The following SLC9C1 variants were observed in gnomAD, a reference collection of about 807,000 sequenced individuals.
SLC9C1 encodes solute carrier family 9 member C1.
In SLC9C1, 97 loss-of-function variants were observed where a neutral mutation model predicts 140.9. That is an observed-to-expected ratio of 0.69 (90% CI 0.58 to 0.82). The LOEUF (loss-of-function observed/expected upper bound fraction) is 0.82, where lower values mean the gene tolerates loss of function less well. Ranked by LOEUF, SLC9C1 falls within the 40% of genes least tolerant of loss-of-function variation. The pLI is 0.00. For missense variants in SLC9C1, 1,340 were observed against 1,389.3 expected (o/e 0.96, Z 0.56); for synonymous variants, 440 against 442.6 (o/e 0.99, Z 0.07).
chr3:112,203,585 C>T (rs1286824375), intron 17 of SLC9C1, among the ~76,000 whole-genome samples: 1 of 151,912 alleles, frequency 6.6e-6, no homozygotes, highest in African/African-American at 2.4e-5. Flanking sequence ...ACTCACAGTG[C>T]TTATATATGC....
intron 12 of SLC9C1, among the ~76,000 whole-genome samples, chr3:112,234,377 G>A (rs533380441): frequency 6.6e-6 from 1 of 152,044 alleles, no homozygotes; most frequent in Non-Finnish European, 1.5e-5. Flanking sequence ...CTGGATATTA[G>A]CCCTTTGTCA....
At chr3:112,150,552 T>G (rs1345324997) in intron 28 of SLC9C1, among the ~76,000 whole-genome samples, 3 of 152,014 alleles carry the variant, frequency 2.0e-5, no homozygotes, top group Non-Finnish European at 4.4e-5. Context: ...CCTTCTTGAA[T>G]TGTAGCTCAC....
At chr3:112,162,385 C>T (rs1248762494) in intron 26 of SLC9C1, among the ~76,000 whole-genome samples, 2 of 152,036 alleles carry the variant, frequency 1.3e-5, no homozygotes, top group African/African-American at 4.8e-5. Flanking sequence ...TTTGCCCATT[C>T]AGTATGATAT....
intron 28 of SLC9C1, among the ~76,000 whole-genome samples, chr3:112,147,982 T>G (rs779354871): frequency 2.0e-5 from 3 of 152,230 alleles, no homozygotes; most frequent in Non-Finnish European, 4.4e-5. Flanking sequence ...TTAAACTTTA[T>G]TTCAGGCAGA....
chr3:112,241,961 A>C (rs1559703187), intron 11 of SLC9C1, among the ~76,000 whole-genome samples: 1 of 152,210 alleles, frequency 6.6e-6, no homozygotes, highest in Non-Finnish European at 1.5e-5. Flanking sequence ...AGATGGATTA[A>C]ATATTTAAAT....
In SLC9C1 at chr3:112,168,857, A is replaced by T. The variant is rs1009103938; in HGVS notation, c.3237+20T>A. On this transcript the variant is annotated intron_variant, in intron 25 of 28. Transcript: ENST00000305815. ...ACATATGGCATATTGATCTGAAGAC[A>T]GGAATCAATATTTCTTTACCTGATG... The T allele has an allele frequency of 6.4e-7, 1 of 1,550,718 alleles. No homozygotes were observed. The highest frequency in any genetic ancestry group is 8.7e-7 in the Non-Finnish European group (1 of 1,151,092).
chr3:112,178,587 TGAA>T (rs1325413278), intron 23 of SLC9C1, among the ~76,000 whole-genome samples: 1 of 152,206 alleles, frequency 6.6e-6, no homozygotes, highest in African/African-American at 2.4e-5. Context: ...TCTATAGACT[TGAA>T]GAACTTCAGA....
intron 25 of SLC9C1, among the ~76,000 whole-genome samples, chr3:112,168,322 TACACACAC>T (rs56965031): frequency 0.074 from 9,835 of 133,686 alleles, 696 homozygotes; most frequent in African/African-American, 0.19. Flanking sequence ...CACAAAACAA[TACACACAC>T]ACACACACAC....
intron 26 of SLC9C1, among the ~76,000 whole-genome samples, chr3:112,165,781 C>T (rs78428136): frequency 6.6e-6 from 1 of 152,188 alleles, no homozygotes; most frequent in Admixed American, 6.5e-5. Context: ...AGGAGAACCA[C>T]TACTCTCTTC....
intron 2 of SLC9C1, among the ~76,000 whole-genome samples, chr3:112,285,385 T>C (rs2080479249): frequency 6.6e-6 from 1 of 152,038 alleles, no homozygotes; most frequent in Non-Finnish European, 1.5e-5. Flanking sequence ...ACCATAGGTG[T>C]GCACCACCAC....
chr3:112,151,414 T>C, intron 28 of SLC9C1: 1 of 519,136 alleles, frequency 1.9e-6, no homozygotes, highest in South Asian at 1.4e-5. Flanking sequence ...TGAATTCCTT[T>C]AACTTCAGCT....
chr3:112,185,650 G>C (rs572913993), intron 20 of SLC9C1: 1 of 1,562,478 alleles, frequency 6.4e-7, no homozygotes, highest in Non-Finnish European at 8.7e-7. Context: ...GCTCCTTGGC[G>C]GTCCAGTGAG....
At chr3:112,224,443 C>A (rs569734307) in intron 13 of SLC9C1, among the ~76,000 whole-genome samples, 1 of 152,038 alleles carries the variant, frequency 6.6e-6, no homozygotes, top group African/African-American at 2.4e-5. Flanking sequence ...GTTAAAGGAA[C>A]ACAATAGTTC....
At chr3:112,141,356 T>C (rs1372563142) in intron 28 of SLC9C1, 75 bp from the exon 29 acceptor site, 10 of 1,477,510 alleles carry the variant, frequency 6.8e-6, no homozygotes, top group Middle Eastern at 2.2e-4. Context: ...CAACCCAGAA[T>C]AGGATGTACT....
chr3:112,277,140 G>GT (rs1160885988), intron 5 of SLC9C1, among the ~76,000 whole-genome samples: 1 of 151,932 alleles, frequency 6.6e-6, no homozygotes, highest in African/African-American at 2.4e-5. Flanking sequence ...TTTTATTTTT[G>GT]TTTTTCTGGG....
rs1560008202 is a variant in SLC9C1, at chr3:112,154,977, A to G, written c.3417+20T>C. On this transcript the variant is annotated intron_variant, in intron 27 of 28. Transcript: ENST00000305815. Reference sequence around the variant, plus strand: ...CTTTTACCCAAAATACAACTTTTAGAAAGGCTGCTTTAAATTTACCTCCTT... The same window carrying G: ...CTTTTACCCAAAATACAACTTTTAGGAAGGCTGCTTTAAATTTACCTCCTT... The G allele has an allele frequency of 1.9e-6, 3 of 1,608,242 alleles. No individual in the cohort carries two copies. The highest frequency in any genetic ancestry group is 1.1e-5 in the South Asian group (1 of 90,420).
intron 12 of SLC9C1, among the ~76,000 whole-genome samples, chr3:112,239,210 A>T (rs576712623): frequency 6.6e-6 from 1 of 152,196 alleles, no homozygotes; most frequent in Admixed American, 6.5e-5. Flanking sequence ...TCAGACTGCT[A>T]TGCTAGCAAT....
chr3:112,172,316 C>T (rs4682085), intron 23 of SLC9C1, among the ~76,000 whole-genome samples: 152,173 of 152,222 alleles, frequency 1, 76,062 homozygotes, highest in Non-Finnish European at 1. Context: ...CTCTTTTATA[C>T]TTTGATTATT....
intron 18 of SLC9C1, among the ~76,000 whole-genome samples, chr3:112,201,442 T>C (rs2108033256): frequency 6.6e-6 from 1 of 152,178 alleles, no homozygotes; most frequent in Admixed American, 6.6e-5. Flanking sequence ...GAGAGGAAGA[T>C]ACTACTTTTT....
Sources: gnomAD v4.1 joint callset for allele counts (sites outside exome capture counted in the v4.1 genomes callset) on GRCh38, gnomAD v4.1.1 for gene constraint, MANE v1.5 for transcripts, NCBI Gene and HGNC (gene_info 2026-07-23, HGNC 2026-07-21) for gene names.